The following DAOA variants were observed in gnomAD, a reference collection of about 807,000 sequenced individuals.
The protein encoded by DAOA is D-amino acid oxidase regulator.
DAOA carries 15 observed loss-of-function variants against 16.4 expected under a neutral mutation model. The observed-to-expected ratio is 0.91, with a 90% CI of 0.61 to 1.41. The LOEUF is 1.41. Among genes scored for constraint, DAOA ranks in the 40% most tolerant of loss-of-function variants. The probability of loss-of-function intolerance (pLI) is 0.00; values close to 1 mark genes in which losing one functional copy is unlikely to be tolerated. For synonymous variants in DAOA, 75 were observed against 59.1 expected (o/e 1.27, Z -1.23); for missense variants, 230 against 176.8 (o/e 1.30, Z -1.71).
intron 4 of DAOA, 131 bp from the exon 5 acceptor site, chr13:105,489,770 C>G (rs749260244): frequency 1.3e-6 from 2 of 1,589,070 alleles, no homozygotes; most frequent in Admixed American, 1.8e-5. Flanking sequence ...TTGTATAACC[C>G]CTTACCCTTG....
intron 4 of DAOA, among the ~76,000 whole-genome samples, chr13:105,480,174 C>T (rs1877614657): frequency 6.6e-6 from 1 of 152,106 alleles, no homozygotes; most frequent in Non-Finnish European, 1.5e-5. Flanking sequence ...TTAAAATTCC[C>T]TGTCATTAAA....
Position 105,472,581 on chromosome 13 carries a change from A to C in DAOA, c.177A>C (p.Glu59Asp). ...GAAGAGAGACGGTAACAAGGAAAGAAGGATGGAAGAGAAGGCATGAGGACG... is the reference window on the plus strand; with the variant it reads ...GAAGAGAGACGGTAACAAGGAAAGACGGATGGAAGAGAAGGCATGAGGACG... The part of the protein sequence containing the change: ...EEGRETVTRK[E>D]GWKRRHEDGY... Residue 59 changes from glutamate to aspartate, a missense_variant, in exon 4 of 6, where the codon GAA becomes GAC. Transcript: ENST00000375936. 1 of 1,614,128 alleles carries C rather than the reference A, an allele frequency of 6.2e-7. No homozygotes were observed. The highest frequency in any genetic ancestry group is 8.5e-7 in the Non-Finnish European group (1 of 1,179,972).
chr13:105,478,343 C>G (rs201156564), intron 4 of DAOA, among the ~76,000 whole-genome samples: 1 of 152,128 alleles, frequency 6.6e-6, no homozygotes, highest in African/African-American at 2.4e-5. Context: ...TCCCTTAGTA[C>G]GCATTCAATA....
intron 4 of DAOA, among the ~76,000 whole-genome samples, chr13:105,473,156 AGTGTGTGT>A (rs10691575): frequency 1.3e-5 from 2 of 149,078 alleles, no homozygotes; most frequent in Non-Finnish European, 3.0e-5. Context: ...CCTACGTGAG[AGTGTGTGT>A]GTGTGTGTGT....
intron 4 of DAOA, among the ~76,000 whole-genome samples, chr13:105,475,569 T>C (rs1877271552): frequency 6.6e-6 from 1 of 152,154 alleles, no homozygotes; most frequent in Non-Finnish European, 1.5e-5. Context: ...CTGTGTTTGA[T>C]ACATTTGAGC....
At chr13:105,488,214 G>A (rs1040708515) in intron 4 of DAOA, among the ~76,000 whole-genome samples, 1 of 152,106 alleles carries the variant, frequency 6.6e-6, no homozygotes, top group African/African-American at 2.4e-5. Flanking sequence ...TGCCTTCTGT[G>A]TTTTTTAAGT....
chr13:105,472,882 A>T (rs1373355125), intron 4 of DAOA, among the ~76,000 whole-genome samples, 197 bp downstream of exon 4: 1 of 152,178 alleles, frequency 6.6e-6, no homozygotes, highest in Non-Finnish European at 1.5e-5. Flanking sequence ...TGGCTTCTTC[A>T]CATTTTTTCA....
Position 105,471,660 on chromosome 13 carries a change from A to G in DAOA, c.134-878A>G, listed in dbSNP as rs116411967. ...AGATTTTACTTGATTAATAAGAGAA[A>G]CAATAAGATGTTACAACCAATTCAA... is the stretch of plus-strand genomic sequence containing the variant. On this transcript the variant is annotated intron_variant, in intron 3 of 5. Transcript: ENST00000375936. 8.0e-3 allele frequency among the ~76,000 whole-genome samples: 1,216 copies of G among 152,356 alleles called. 13 individuals carry two copies. Among genetic ancestry groups the G allele is most frequent in the African/African-American group, 0.028 (1,172 of 41,580 alleles).
At chr13:105,473,257 C>G (rs928921984) in intron 4 of DAOA, among the ~76,000 whole-genome samples, 11 of 151,952 alleles carry the variant, frequency 7.2e-5, no homozygotes, top group African/African-American at 2.7e-4. Flanking sequence ...CCCCCTAGTA[C>G]TGAAGCTCTA....
At chr13:105,486,848 G>A (rs1434496723) in intron 4 of DAOA, among the ~76,000 whole-genome samples, 1 of 152,034 alleles carries the variant, frequency 6.6e-6, no homozygotes, top group Non-Finnish European at 1.5e-5. Flanking sequence ...TCAAACTCCT[G>A]ACCTCCAGTG....
intron 3 of DAOA, among the ~76,000 whole-genome samples, chr13:105,468,927 G>A (rs1038278618): frequency 3.3e-5 from 5 of 152,190 alleles, no homozygotes; most frequent in Admixed American, 2.6e-4. Context: ...TGCTAGTCTT[G>A]TTAGCTGTAA....
At chr13:105,473,461 T>C (rs915604775) in intron 4 of DAOA, among the ~76,000 whole-genome samples, 2 of 152,148 alleles carry the variant, frequency 1.3e-5, no homozygotes, top group Non-Finnish European at 2.9e-5. Context: ...TTAAAATCAG[T>C]TGCAAAATAT....
At chr13:105,482,350 A>C (rs1287761460) in intron 4 of DAOA, among the ~76,000 whole-genome samples, 6 of 148,886 alleles carry the variant, frequency 4.0e-5, no homozygotes, top group African/African-American at 1.5e-4. Flanking sequence ...GGCCTTTTTT[A>C]ACTCTCATTT....
chr13:105,466,011 A>T (rs1876485879), upstream of DAOA: 9 of 353,154 alleles, frequency 2.5e-5, no homozygotes, highest in East Asian at 3.5e-4. Flanking sequence ...CATTTCTTAA[A>T]ATTTGCTGAA....
chr13:105,490,244 T>C, intron 5 of DAOA, 52 bp downstream of exon 5: 1 of 886,324 alleles, frequency 1.1e-6, no homozygotes, highest in Non-Finnish European at 1.4e-6. Flanking sequence ...TGAAATATAA[T>C]TTTTATGAAT....
At chr13:105,488,919 A>G (rs1221148617) in intron 4 of DAOA, among the ~76,000 whole-genome samples, 1 of 152,236 alleles carries the variant, frequency 6.6e-6, no homozygotes, top group Non-Finnish European at 1.5e-5. Context: ...AAAGCCATCA[A>G]GATTAATTTC....
intron 4 of DAOA, among the ~76,000 whole-genome samples, chr13:105,478,592 A>G (rs1465506077): frequency 6.6e-6 from 1 of 152,206 alleles, no homozygotes; most frequent in Non-Finnish European, 1.5e-5. Flanking sequence ...CCAGTTGCCT[A>G]CATTTAGACT....
At chr13:105,486,191 C>T (rs1878094925) in intron 4 of DAOA, among the ~76,000 whole-genome samples, 2 of 152,100 alleles carry the variant, frequency 1.3e-5, no homozygotes. Context: ...AAAACATGAT[C>T]TAAATGGACC....
intron 4 of DAOA, among the ~76,000 whole-genome samples, chr13:105,482,036 G>A (rs1877780866): frequency 6.6e-6 from 1 of 152,132 alleles, no homozygotes; most frequent in Non-Finnish European, 1.5e-5. Flanking sequence ...AGTCAAGAGA[G>A]AGAGCCTGTG....
Sources: gnomAD v4.1 joint callset for allele counts (sites outside exome capture counted in the v4.1 genomes callset) on GRCh38, gnomAD v4.1.1 for gene constraint, MANE v1.5 for transcripts, NCBI Gene and HGNC (gene_info 2026-07-23, HGNC 2026-07-21) for gene names.